Variants in RP1 observed in about 807,000 individuals in gnomAD.
RP1 encodes the protein oxygen-regulated protein 1.
RP1 carries 16 observed loss-of-function variants against 14.8 expected under a neutral mutation model. That is an observed-to-expected ratio of 1.08 (90% CI 0.73 to 1.65). The LOEUF is 1.65. Among genes scored for constraint, RP1 ranks in the 40% most tolerant of loss-of-function variants. The probability of loss-of-function intolerance (pLI) is 0.00; values close to 1 mark genes in which losing one functional copy is unlikely to be tolerated. For missense variants in RP1, 2,631 were observed against 2,535.0 expected (o/e 1.04, Z -0.81); for synonymous variants, 876 against 883.6 (o/e 0.99, Z 0.15).
At chr8:54,761,369 T>G (rs1486965138) in intron 22 of RP1, among the ~76,000 whole-genome samples, 1 of 151,576 alleles carries the variant, frequency 6.6e-6, no homozygotes, top group Non-Finnish European at 1.5e-5. Context: ...CCCAAGTAGC[T>G]GGGATTACAG....
At chr8:54,805,063 G>C (rs558058334) in intron 24 of RP1, among the ~76,000 whole-genome samples, 1 of 152,300 alleles carries the variant, frequency 6.6e-6, no homozygotes, top group South Asian at 2.1e-4. Context: ...AGCATCTGAA[G>C]TCACTGACAA....
intron 24 of RP1, among the ~76,000 whole-genome samples, chr8:54,817,005 T>C (rs1811148261): frequency 1.3e-5 from 2 of 152,108 alleles, no homozygotes; most frequent in African/African-American, 4.8e-5. Flanking sequence ...GATCTCAGCC[T>C]GAATATTACT....
At chr8:54,604,505 T>G (rs1805377649) in intron 1 of RP1, among the ~76,000 whole-genome samples, 1 of 152,216 alleles carries the variant, frequency 6.6e-6, no homozygotes, top group South Asian at 2.1e-4. Flanking sequence ...TTCTCTTTTT[T>G]TGTTGTGTCT....
intron 24 of RP1, chr8:54,783,855 A>T (rs1374398621): frequency 6.4e-6 from 3 of 469,118 alleles, no homozygotes; most frequent in Non-Finnish European, 1.0e-5. Flanking sequence ...GTTTTATCCC[A>T]TGGGAGCTGG....
chr8:54,668,201 C>T (rs1299934961), intron 7 of RP1, among the ~76,000 whole-genome samples: 1 of 151,432 alleles, frequency 6.6e-6, no homozygotes, highest in African/African-American at 2.4e-5. Flanking sequence ...GATCAATAAA[C>T]GTAATCACAA....
At chr8:54,758,047 C>A (rs1444629716) in intron 21 of RP1, among the ~76,000 whole-genome samples, 2 of 152,140 alleles carry the variant, frequency 1.3e-5, no homozygotes, top group African/African-American at 4.8e-5. Flanking sequence ...AACCTGGTAA[C>A]AATGCAGGGA....
intron 24 of RP1, among the ~76,000 whole-genome samples, chr8:54,832,936 G>A (rs1280049166): frequency 6.6e-6 from 1 of 152,016 alleles, no homozygotes; most frequent in Non-Finnish European, 1.5e-5. Context: ...TTTATAACTT[G>A]GTGTAACTCA....
intron 1 of RP1, among the ~76,000 whole-genome samples, chr8:54,616,768 T>C (rs1805726443): frequency 6.6e-6 from 1 of 152,260 alleles, no homozygotes; most frequent in African/African-American, 2.4e-5. Context: ...CACTATGTGG[T>C]AGAAAATTAA....
intron 12 of RP1, among the ~76,000 whole-genome samples, chr8:54,683,450 CTATT>C (rs1008955839): frequency 2.6e-5 from 4 of 152,112 alleles, no homozygotes; most frequent in Non-Finnish European, 5.9e-5. Context: ...GACTGTTTCT[CTATT>C]TGTTTGTGTC....
chr8:54,810,930 A>G (rs1810976140), intron 24 of RP1, among the ~76,000 whole-genome samples: 1 of 152,216 alleles, frequency 6.6e-6, no homozygotes, highest in Non-Finnish European at 1.5e-5. Context: ...GCGCAAATGC[A>G]TGGAAGAATA....
intron 24 of RP1, among the ~76,000 whole-genome samples, chr8:54,830,363 T>C (rs572073229): frequency 6.6e-6 from 1 of 152,238 alleles, no homozygotes; most frequent in Non-Finnish European, 1.5e-5. Context: ...ACATGTGCCA[T>C]GTTTGTGTGT....
At chr8:54,754,683 G>A (rs1303070934) in intron 19 of RP1, 11 of 1,006,310 alleles carry the variant, frequency 1.1e-5, no homozygotes, top group South Asian at 5.9e-5. Flanking sequence ...AACCATCACC[G>A]CTATCACCAT....
At chr8:54,565,343 TC>T (rs1469265088) in intron 1 of RP1, among the ~76,000 whole-genome samples, 1 of 152,028 alleles carries the variant, frequency 6.6e-6, no homozygotes, top group East Asian at 1.9e-4. Context: ...GGTGGGCAGA[TC>T]AACTGAGGTC....
At position 54,630,029 on chromosome 8, in the gene RP1, A is replaced by T. The variant is rs751180122; in HGVS notation, c.6147A>T (p.Ser2049=). Reference sequence around the variant, plus strand: ...TGTTAGTTGTGGGTAATGTGGATTCAAATACACAAGACCTCAGCGGTCAGA... The same window carrying T: ...TGTTAGTTGTGGGTAATGTGGATTCTAATACACAAGACCTCAGCGGTCAGA... ...TSLLVVGNVD[S]NTQDLSGQTN... The change falls in exon 4 of 4, where the codon TCA becomes TCT. Residue 2049 remains serine (S), a synonymous_variant. Transcript: ENST00000220676. 3 of 1,614,018 alleles carry T rather than the reference A, an allele frequency of 1.9e-6. No individual in the cohort carries two copies. In the South Asian group the frequency reaches 3.3e-5, roughly 18 times the overall value.
intron 8 of RP1, among the ~76,000 whole-genome samples, chr8:54,675,697 C>T (rs1807281808): frequency 6.6e-6 from 1 of 152,088 alleles, no homozygotes; most frequent in Admixed American, 6.6e-5. Flanking sequence ...CTCTTCATGA[C>T]TTTGGGCCAA....
chr8:54,612,019 A>G (rs1805610230), upstream of RP1, among the ~76,000 whole-genome samples: 1 of 151,616 alleles, frequency 6.6e-6, no homozygotes, highest in African/African-American at 2.4e-5. Flanking sequence ...TTCTGAGTCT[A>G]TGTTTTTCCC....
At chr8:54,719,437 T>C (rs1335323762) in intron 15 of RP1, among the ~76,000 whole-genome samples, 1 of 152,208 alleles carries the variant, frequency 6.6e-6, no homozygotes, top group Non-Finnish European at 1.5e-5. Flanking sequence ...ACAAATAAAA[T>C]ACTAGTTGCT....
intron 23 of RP1, among the ~76,000 whole-genome samples, chr8:54,777,250 G>A (rs1810065934): frequency 6.6e-6 from 1 of 152,174 alleles, no homozygotes; most frequent in African/African-American, 2.4e-5. Context: ...TGTCTTGAGT[G>A]CTGTGGCTGT....
chr8:54,587,419 C>T (rs1804956679), intron 1 of RP1, among the ~76,000 whole-genome samples: 1 of 137,034 alleles, frequency 7.3e-6, no homozygotes, highest in African/African-American at 3.0e-5. Context: ...GAGTGAGACC[C>T]TGTCTCAAAA....
Sources: gnomAD v4.1 joint callset for allele counts (sites outside exome capture counted in the v4.1 genomes callset) on GRCh38, gnomAD v4.1.1 for gene constraint, MANE v1.5 for transcripts, NCBI Gene and HGNC (gene_info 2026-07-23, HGNC 2026-07-21) for gene names.